BLM: variants seen among roughly 807,000 people sequenced by gnomAD.
The protein encoded by BLM is recQ-like DNA helicase BLM.
In BLM, 95 loss-of-function variants were observed where a neutral mutation model predicts 135.3. The observed-to-expected ratio is 0.70, with a 90% CI of 0.59 to 0.83. The LOEUF is 0.83. Ranked by LOEUF, BLM falls within the 40% of genes least tolerant of loss-of-function variation. The pLI is 0.00. For synonymous variants in BLM, 520 were observed against 589.2 expected (o/e 0.88, Z 1.70); for missense variants, 1,518 against 1,663.9 (o/e 0.91, Z 1.53).
intron 5 of BLM, chr15:90,759,845 G>A (rs1895915565): frequency 3.3e-6 from 1 of 307,226 alleles, no homozygotes; most frequent in Non-Finnish European, 6.2e-6. Flanking sequence ...GACCTCAGGT[G>A]ATCTACCCTT....
intron 14 of BLM, 50 bp from the exon 15 acceptor site, chr15:90,790,599 C>G: frequency 1.3e-6 from 2 of 1,536,262 alleles, no homozygotes; most frequent in Non-Finnish European, 1.8e-6. Flanking sequence ...TGAAAATGTT[C>G]CTTCAAGTCT....
chr15:90,801,240 T>A (rs1352018595), intron 17 of BLM, among the ~76,000 whole-genome samples: 2 of 152,100 alleles, frequency 1.3e-5, no homozygotes, highest in Non-Finnish European at 2.9e-5. Flanking sequence ...CTCCTTTTGG[T>A]TCCATAAGAG....
intron 15 of BLM, among the ~76,000 whole-genome samples, chr15:90,792,297 G>T (rs1896924984): frequency 6.6e-6 from 1 of 151,736 alleles, no homozygotes; most frequent in African/African-American, 2.4e-5. Context: ...GTAGAGACAG[G>T]GTTTCACCAT....
At chr15:90,762,135 A>G (rs963534423) in intron 7 of BLM, among the ~76,000 whole-genome samples, 2 of 152,190 alleles carry the variant, frequency 1.3e-5, no homozygotes, top group African/African-American at 4.8e-5. Context: ...GTTTGCAATT[A>G]TCTTGAGACA....
At chr15:90,773,202 C>T (rs559718102) in intron 12 of BLM, among the ~76,000 whole-genome samples, 10 of 152,034 alleles carry the variant, frequency 6.6e-5, no homozygotes, top group African/African-American at 1.9e-4. Flanking sequence ...GACGGATCAC[C>T]TGAGGTCAGG....
intron 12 of BLM, among the ~76,000 whole-genome samples, chr15:90,781,603 G>A (rs752037792): frequency 6.6e-6 from 1 of 152,136 alleles, no homozygotes; most frequent in African/African-American, 2.4e-5. Context: ...TCCAGCCTGG[G>A]TGACAAGCGC....
At chr15:90,797,699 T>C (rs553269135) in intron 16 of BLM, among the ~76,000 whole-genome samples, 13 of 152,084 alleles carry the variant, frequency 8.5e-5, no homozygotes, top group Non-Finnish European at 1.9e-4. Flanking sequence ...AAAAGTCATC[T>C]AGTAACGGGG....
At chr15:90,788,249 A>G (rs1249232551) in intron 14 of BLM, among the ~76,000 whole-genome samples, 2 of 152,210 alleles carry the variant, frequency 1.3e-5, no homozygotes, top group Non-Finnish European at 2.9e-5. Context: ...CATAACAAAT[A>G]TATAACAAAA....
chr15:90,731,902 G>T (rs1473724901), intron 1 of BLM, among the ~76,000 whole-genome samples: 1 of 152,060 alleles, frequency 6.6e-6, no homozygotes, highest in African/African-American at 2.4e-5. Context: ...GTTTCACCAT[G>T]TTGCCAAGGC....
At chr15:90,773,295 C>T (rs979210590) in intron 12 of BLM, among the ~76,000 whole-genome samples, 2 of 151,662 alleles carry the variant, frequency 1.3e-5, no homozygotes, top group South Asian at 2.1e-4. Context: ...TGGTGGGCGC[C>T]TGTAATACCA....
intron 1 of BLM, among the ~76,000 whole-genome samples, chr15:90,740,179 G>A (rs1331050995): frequency 1.3e-5 from 2 of 152,050 alleles, no homozygotes; most frequent in Non-Finnish European, 2.9e-5. Context: ...AATCAATGTT[G>A]GAACATTTTC....
chr15:90,743,726 C>T (rs76838462), intron 1 of BLM, among the ~76,000 whole-genome samples: 28,196 of 151,964 alleles, frequency 0.19, 2,714 homozygotes, highest in East Asian at 0.24. Context: ...ACAATTGTAT[C>T]GATATTTTGA....
At chr15:90,814,549 G>A (rs1285960754) in intron 21 of BLM, among the ~76,000 whole-genome samples, 1 of 152,050 alleles carries the variant, frequency 6.6e-6, no homozygotes, top group Non-Finnish European at 1.5e-5. Context: ...ACAGAAGGCC[G>A]CATCTGCAGC....
rs547214793 is a variant in BLM at position 90,729,116 on chromosome 15, C to T, written c.-5+11676C>T. Among the ~76,000 whole-genome samples, 91 of 152,144 alleles carry T rather than the reference C, an allele frequency of 6.0e-4. 1 individual carries two copies. The highest frequency in any genetic ancestry group is 2.1e-3 in the African/African-American group (88 of 41,508). ...CCTGAGGTCGGGAGTTTGAGACTAG[C>T]CTGGCCAACGTGGCGAAACTCCATC... On this transcript the variant is annotated intron_variant, in intron 1 of 21. Coordinates refer to ENST00000355112, the MANE Select transcript of BLM (RefSeq NM_000057.4).
intron 1 of BLM, among the ~76,000 whole-genome samples, chr15:90,723,344 CTT>C (rs1190556628): frequency 3.9e-5 from 5 of 128,338 alleles, no homozygotes; most frequent in Admixed American, 7.9e-5. Context: ...TTTTTCTTTT[CTT>C]TTTTTTTTTT....
At chr15:90,735,697 A>T (rs1895195926) in intron 1 of BLM, among the ~76,000 whole-genome samples, 2 of 151,984 alleles carry the variant, frequency 1.3e-5, no homozygotes, top group South Asian at 2.1e-4. Context: ...CAGAAATCTA[A>T]TTTTTTTTAA....
At chr15:90,722,318 C>T (rs912731825) in intron 1 of BLM, among the ~76,000 whole-genome samples, 1 of 152,052 alleles carries the variant, frequency 6.6e-6, no homozygotes, top group African/African-American at 2.4e-5. Flanking sequence ...ACTGTGTTAG[C>T]CAGGATGGTC....
intron 14 of BLM, 76 bp downstream of exon 14, chr15:90,785,157 C>T: frequency 1.4e-6 from 2 of 1,469,450 alleles, no homozygotes; most frequent in South Asian, 2.4e-5. Flanking sequence ...ATGTAGAATG[C>T]AAACTGTTTT....
chr15:90,741,916 A>G (rs1313544259), intron 1 of BLM, among the ~76,000 whole-genome samples: 1 of 152,208 alleles, frequency 6.6e-6, no homozygotes, highest in Non-Finnish European at 1.5e-5. Flanking sequence ...TAGATTTTAA[A>G]CACTTGTAAT....
Sources: allele counts gnomAD v4.1 joint callset (sites outside exome capture counted in the v4.1 genomes callset), GRCh38; gene constraint gnomAD v4.1.1; transcripts MANE v1.5; gene names NCBI Gene and HGNC (gene_info 2026-07-23, HGNC 2026-07-21).